Variants in ZBTB40 observed in about 807,000 individuals in gnomAD.
The protein encoded by ZBTB40 is zinc finger and BTB domain containing 40.
Under a neutral mutation model 117.5 loss-of-function variants are expected in ZBTB40, and 60 were observed. The observed-to-expected ratio is 0.51, with a 90% CI of 0.41 to 0.63. The LOEUF (loss-of-function observed/expected upper bound fraction) is 0.63. Ranked by LOEUF, ZBTB40 falls within the 30% of genes least tolerant of loss-of-function variation. ZBTB40 has a pLI of 0.00. For synonymous variants in ZBTB40, 525 were observed against 577.1 expected (o/e 0.91, Z 1.29); for missense variants, 1,287 against 1,498.5 (o/e 0.86, Z 2.33).
chr1:22,524,114 G>A lies in ZBTB40; in HGVS notation c.3299-104G>A, dbSNP rs16827272. 1.2e-3 allele frequency: 1,311 copies of A among 1,129,366 alleles called. 6 individuals are homozygous for A. The African/African-American group carries it at 0.017, about 15-fold the overall frequency. The allele number at this position is 1,129,366 out of a possible 1,614,324, so 70.0% of individuals were successfully genotyped here. On this transcript the variant is annotated intron_variant, in intron 16 of 17. Coordinates refer to ENST00000375647, the MANE Select transcript of ZBTB40 (RefSeq NM_014870.4). ...AAATGTGGATCCGCCTCCAAGCCTC[G>A]ATCCTCATTGCTCTTTCCTCTCATG...
intron 1 of ZBTB40, among the ~76,000 whole-genome samples, chr1:22,434,933 T>TAAC (rs1486316911): frequency 6.6e-6 from 1 of 152,212 alleles, no homozygotes; most frequent in African/African-American, 2.4e-5. Flanking sequence ...TGCTGGGAGT[T>TAAC]AACATTTTTA....
At chr1:22,457,855 A>G (rs926992542) in intron 1 of ZBTB40, among the ~76,000 whole-genome samples, 1 of 152,166 alleles carries the variant, frequency 6.6e-6, no homozygotes, top group Non-Finnish European at 1.5e-5. Flanking sequence ...GGGCCTGACC[A>G]TTGAGTCTTC....
At chr1:22,521,426 A>G (rs930245083) in intron 14 of ZBTB40, 70 bp from the exon 15 acceptor site, 4 of 1,588,052 alleles carry the variant, frequency 2.5e-6, no homozygotes, top group South Asian at 2.2e-5. Context: ...TCTTTCTCTC[A>G]TGAGAGCCTC....
chr1:22,525,532 G>A (rs1639653031), intron 17 of ZBTB40, among the ~76,000 whole-genome samples: 1 of 152,162 alleles, frequency 6.6e-6, no homozygotes, highest in African/African-American at 2.4e-5. Context: ...AGGCTTAGGC[G>A]GGAATTGGAT....
chr1:22,449,209 G>A (rs541316804), upstream of ZBTB40, among the ~76,000 whole-genome samples: 13 of 152,290 alleles, frequency 8.5e-5, no homozygotes, highest in Non-Finnish European at 1.2e-4. Context: ...CAGTTTAGCA[G>A]AGGCACCTCG....
At chr1:22,488,627 G>T (rs1638539330) in intron 1 of ZBTB40, among the ~76,000 whole-genome samples, 1 of 152,200 alleles carries the variant, frequency 6.6e-6, no homozygotes, top group Non-Finnish European at 1.5e-5. Context: ...GGTAAAAGAT[G>T]AGGTTAGGAG....
At chr1:22,500,293 T>A (rs1557509064) in intron 3 of ZBTB40, among the ~76,000 whole-genome samples, 1 of 152,178 alleles carries the variant, frequency 6.6e-6, no homozygotes, top group East Asian at 1.9e-4. Context: ...AGATGATGAG[T>A]TTGGTTTTAT....
At position 22,526,049 on chromosome 1, in the gene ZBTB40, G is replaced by A. The variant is rs185231567; in HGVS notation, c.3526-153G>A. On this transcript the variant is annotated intron_variant, in intron 17 of 17. Transcript: ENST00000375647. ...GGCCTTCTCTTTTGCATCGCCAGTGGGTTAGACTTGCCTCTTCCCATTAGG... is the reference window on the plus strand; with the variant it reads ...GGCCTTCTCTTTTGCATCGCCAGTGAGTTAGACTTGCCTCTTCCCATTAGG... Among the ~76,000 whole-genome samples, 397 of 152,260 alleles carry A rather than the reference G, an allele frequency of 2.6e-3. 1 individual carries two copies. The highest frequency in any genetic ancestry group is 0.01 in the Middle Eastern group (3 of 294).
Position 22,511,279 on chromosome 1 carries a change from A to G in ZBTB40, c.1934A>G (p.His645Arg). 2 of 1,613,944 alleles carry G rather than the reference A, an allele frequency of 1.2e-6. No homozygotes were observed. The highest frequency in any genetic ancestry group is 1.7e-6 in the Non-Finnish European group (2 of 1,179,992). ...EKSVPAIEIC[H>R]LLCSVHKSFP... ...TCAGTCCCGGCCATTGAAATATGCC[A>G]CCTCCTGTGCAGTGTCCACAAATCT... Residue 645 changes from histidine to arginine, a missense_variant, in exon 10 of 18, where the codon CAC (histidine) becomes CGC (arginine). By Grantham distance (29) the His-to-Arg change is conservative. This residue lies in a region of ZBTB40 where 870 missense variants were observed against 934.4 expected (regional missense o/e 0.93). Transcript: ENST00000375647.
At chr1:22,493,182 C>T (rs1269159779) in intron 3 of ZBTB40, among the ~76,000 whole-genome samples, 1 of 152,088 alleles carries the variant, frequency 6.6e-6, no homozygotes, top group Non-Finnish European at 1.5e-5. Flanking sequence ...CTTTTGATGG[C>T]AATATCATTA....
At chr1:22,481,323 A>G (rs1043343571) in intron 1 of ZBTB40, among the ~76,000 whole-genome samples, 9 of 152,130 alleles carry the variant, frequency 5.9e-5, no homozygotes, top group African/African-American at 2.2e-4. Context: ...GACATTGCCA[A>G]CTTAGATTCA....
Position 22,512,104 on chromosome 1 carries a change from C to G in ZBTB40, c.2431C>G (p.Leu811Val). 6.2e-7 allele frequency: 1 copy of G among 1,613,488 alleles called. No individual in the cohort carries two copies. Among genetic ancestry groups the G allele is most frequent in the South Asian group, 1.1e-5 (1 of 91,050 alleles). ...GAAGAGGCTTCCAGTGACATGTGAC[C>G]TCTGTGGCAGAGAATTTGCCCATGC... is the stretch of plus-strand genomic sequence containing the variant. ...KKKRLPVTCDLCGREFAHASG... is the reference protein window; with the variant it reads ...KKKRLPVTCDVCGREFAHASG... Residue 811 changes from leucine (L) to valine (V), a missense_variant, in exon 11 of 18, where the codon CTC (leucine) becomes GTC (valine). Transcript: ENST00000375647.
chr1:22,501,550 G>A lies in ZBTB40; in HGVS notation c.890G>A (p.Gly297Asp). 1 of 1,614,180 alleles carries A rather than the reference G, an allele frequency of 6.2e-7. No individual in the cohort carries two copies. Among genetic ancestry groups the A allele is most frequent in the Non-Finnish European group, 8.5e-7 (1 of 1,180,014 alleles). ...GGHSAFQRIL[G>D]KVREESLDVQ... The stretch of plus-strand genomic sequence containing the variant: ...CATTCAGCATTCCAGAGAATCCTGG[G>A]TAAAGTAAGAGAGGAAAGCCTGGAT... Residue 297 changes from glycine (G) to aspartate (D), a missense_variant, in exon 4 of 18, where the codon GGT becomes GAT. This residue lies in a region of ZBTB40 where 870 missense variants were observed against 934.4 expected (regional missense o/e 0.93). Transcript: ENST00000375647.
intron 1 of ZBTB40, among the ~76,000 whole-genome samples, chr1:22,456,438 T>C (rs1641006401): frequency 6.6e-6 from 1 of 152,186 alleles, no homozygotes; most frequent in Non-Finnish European, 1.5e-5. Flanking sequence ...TCAGGGTAAA[T>C]GGTTGAATTT....
In ZBTB40 at chr1:22,517,604, G is replaced by A. The variant is rs866410897; in HGVS notation, c.2833+140G>A. 3.1e-6 allele frequency: 3 copies of A among 982,134 alleles called. No individual in the cohort carries two copies. In the Middle Eastern group the frequency reaches 8.3e-4, roughly 272 times the overall value. 60.8% of individuals were successfully genotyped at this position (982,134 alleles called of 1,614,324 possible). A position where few individuals can be genotyped will look rare whatever the true frequency, so the allele number is the denominator to read the frequency against. On this transcript the variant is annotated intron_variant, in intron 13 of 17. Transcript: ENST00000375647. The stretch of plus-strand genomic sequence containing the variant: ...CTTACCTGTTCCGCTGCAAAACCCA[G>A]AGTCCCTCATTCCTAGTTCAGGAAG...
At chr1:22,521,356 C>T (rs772567436) in intron 14 of ZBTB40, 140 bp from the exon 15 acceptor site, 16 of 1,074,198 alleles carry the variant, frequency 1.5e-5, no homozygotes, top group Non-Finnish European at 2.1e-5. Flanking sequence ...CACATCAGCA[C>T]CCGGTGTGAT....
Position 22,491,532 on chromosome 1 carries a change from A to G in ZBTB40, c.830A>G (p.Glu277Gly). 6.2e-7 allele frequency: 1 copy of G among 1,613,852 alleles called. No homozygotes were observed. The highest frequency in any genetic ancestry group is 8.5e-7 in the Non-Finnish European group (1 of 1,179,828). ...MCSEIKGPQK[E>G]MIVKCFEGEG... ...TCAGAAATTAAAGGTCCACAGAAGG[A>G]GGTAGGCACCTCTGACTTTTGTACT... Residue 277 changes from glutamate to glycine, a missense_variant and splice_region_variant, in exon 3 of 18, where the codon GAG (glutamate) becomes GGG (glycine). Physicochemically the swap from Glu to Gly is moderately conservative, Grantham distance 98. Around this residue, in one of 2 missense-constraint regions of ZBTB40, gnomAD observed 870 missense variants for 934.4 expected, o/e 0.93. Transcript: ENST00000375647.
chr1:22,491,924 A>G lies in ZBTB40; in HGVS notation c.831+391A>G, dbSNP rs191249128. ...AAAACATGAACAAAAAGGACTTTATATAAACTTATAAATTATTGGTAAAAT... is the reference window on the plus strand; with the variant it reads ...AAAACATGAACAAAAAGGACTTTATGTAAACTTATAAATTATTGGTAAAAT... On this transcript the variant is annotated intron_variant, in intron 3 of 17. Transcript: ENST00000375647. Among the ~76,000 whole-genome samples the G allele has an allele frequency of 3.9e-5, 6 of 152,366 alleles. No homozygotes were observed. The East Asian group carries it at 1.2e-3, about 29-fold the overall frequency.
At chr1:22,439,687 A>C (rs1361109499) in intron 1 of ZBTB40, among the ~76,000 whole-genome samples, 1 of 152,116 alleles carries the variant, frequency 6.6e-6, no homozygotes, top group Non-Finnish European at 1.5e-5. Context: ...CTACTCCATT[A>C]GTGTTTGTGT....
Sources: gnomAD v4.1 joint callset for allele counts (sites outside exome capture counted in the v4.1 genomes callset) on GRCh38, gnomAD v4.1.1 for gene constraint, gnomAD v4.1.1 regional missense constraint, MANE v1.5 for transcripts, NCBI Gene and HGNC (gene_info 2026-07-23, HGNC 2026-07-21) for gene names.